Variants in DDX46 observed in about 807,000 individuals in gnomAD.
DDX46 encodes probable ATP-dependent RNA helicase DDX46.
A neutral mutation model predicts 134.9 loss-of-function variants in DDX46; 30 were observed. The observed-to-expected ratio is 0.22, with a 90% CI of 0.17 to 0.30. DDX46 has a LOEUF of 0.30. Among genes scored for constraint, DDX46 ranks in the 10% least tolerant of loss-of-function variants. The pLI is 1.00. For missense variants in DDX46, 622 were observed against 1,248.7 expected (o/e 0.50, Z 7.56); for synonymous variants, 415 against 404.1 (o/e 1.03, Z -0.32).
At chr5:134,763,128 A>G (rs1248690437) in intron 1 of DDX46, among the ~76,000 whole-genome samples, 1 of 152,080 alleles carries the variant, frequency 6.6e-6, no homozygotes, top group African/African-American at 2.4e-5. Context: ...GCTTCTTGGG[A>G]GGCTGAAGTG....
intron 18 of DDX46, among the ~76,000 whole-genome samples, chr5:134,812,059 CTTTT>C (rs767502728): frequency 5.0e-5 from 5 of 99,060 alleles, no homozygotes; most frequent in Non-Finnish European, 8.0e-5. Context: ...GTGAAAAGTC[CTTTT>C]TTTTTTTTTT....
At chr5:134,759,258 A>C (rs771509624) in intron 1 of DDX46, among the ~76,000 whole-genome samples, 40 of 152,360 alleles carry the variant, frequency 2.6e-4, no homozygotes, top group Non-Finnish European at 3.8e-4. Flanking sequence ...TGATTACTTC[A>C]GTCAGAAGTG....
chr5:134,773,642 T>A (rs1753843148), intron 4 of DDX46, 54 bp from the exon 5 acceptor site: 1 of 1,515,126 alleles, frequency 6.6e-7, no homozygotes, highest in Non-Finnish European at 8.8e-7. Context: ...AATTATTAAA[T>A]TTGGTTTTGC....
intron 21 of DDX46, among the ~76,000 whole-genome samples, chr5:134,821,020 C>T (rs1404627709): frequency 6.6e-6 from 1 of 150,900 alleles, no homozygotes; most frequent in Non-Finnish European, 1.5e-5. Flanking sequence ...TGCCCCCCCG[C>T]CACACCTAGC....
intron 6 of DDX46, among the ~76,000 whole-genome samples, chr5:134,778,138 C>T (rs1437996116): frequency 6.6e-6 from 1 of 151,806 alleles, no homozygotes; most frequent in Non-Finnish European, 1.5e-5. Flanking sequence ...CCTACCTCAG[C>T]CTCCCAAGTA....
intron 21 of DDX46, among the ~76,000 whole-genome samples, chr5:134,824,583 A>AAAAAG (rs1230480289): frequency 6.6e-5 from 10 of 152,210 alleles, no homozygotes; most frequent in African/African-American, 2.4e-4. Context: ...CTGTCTCAAA[A>AAAAAG]AAAAGAAAAG....
At chr5:134,789,200 A>G (rs1754431865) in intron 12 of DDX46, 1 of 152,190 alleles carries the variant, frequency 6.6e-6, no homozygotes, top group Non-Finnish European at 1.5e-5. Flanking sequence ...ACATTATTTA[A>G]CTTCTGTGGA....
At chr5:134,827,148 A>T in intron 22 of DDX46, 128 bp downstream of exon 22, 1 of 843,378 alleles carries the variant, frequency 1.2e-6, no homozygotes, top group African/African-American at 1.7e-5. Context: ...TAAGCATACC[A>T]GTGTAGTCAC....
chr5:134,807,253 C>T (rs1367726068), intron 15 of DDX46, among the ~76,000 whole-genome samples: 2 of 150,576 alleles, frequency 1.3e-5, no homozygotes, highest in South Asian at 2.1e-4. Flanking sequence ...AACTCCTGAC[C>T]TCATGATCTG....
intron 15 of DDX46, among the ~76,000 whole-genome samples, chr5:134,798,173 GTTTTTT>G (rs1200526938): frequency 7.1e-6 from 1 of 139,946 alleles, no homozygotes; most frequent in African/African-American, 2.6e-5. Context: ...GCCCCCCACC[GTTTTTT>G]TTTTTTTGTT....
intron 3 of DDX46, among the ~76,000 whole-genome samples, chr5:134,770,676 G>T (rs1753734658): frequency 6.6e-6 from 1 of 152,088 alleles, no homozygotes; most frequent in South Asian, 2.1e-4. Context: ...TATGAGTGTG[G>T]TGGCTGGCAC....
rs1429189322 is a variant in DDX46, at chr5:134,781,817, A to C, written c.880-104A>C. 5 of 1,086,972 alleles carry C rather than the reference A, an allele frequency of 4.6e-6. No individual in the cohort carries two copies. In the African/African-American group the frequency reaches 6.5e-5, roughly 14 times the overall value. The allele number at this position is 1,086,972 out of a possible 1,614,324, so 67.3% of individuals were successfully genotyped here. On this transcript the variant is annotated intron_variant, in intron 7 of 22. Coordinates refer to ENST00000452510, the MANE Select transcript of DDX46 (RefSeq NM_001300860.2). ...TGTGTCGTAGAAAGTAAAATATTAG[A>C]GTAGTTTCTAGGAGAGGAAGATTTG... is the stretch of plus-strand genomic sequence containing the variant.
chr5:134,822,350 A>C (rs182603966), intron 21 of DDX46, among the ~76,000 whole-genome samples: 3 of 151,560 alleles, frequency 2.0e-5, no homozygotes, highest in African/African-American at 7.3e-5. Flanking sequence ...TGTTTTTCTA[A>C]GAGACAGGGT....
At chr5:134,799,760 C>T (rs1039414432) in intron 15 of DDX46, among the ~76,000 whole-genome samples, 30 of 151,660 alleles carry the variant, frequency 2.0e-4, no homozygotes, top group Admixed American at 3.9e-4. Flanking sequence ...AAAAAAAACC[C>T]TAATCTGGGC....
chr5:134,763,826 A>C, intron 1 of DDX46, 78 bp from the exon 2 acceptor site: 1 of 1,455,106 alleles, frequency 6.9e-7, no homozygotes, highest in Non-Finnish European at 9.2e-7. Context: ...TGCTGAAATT[A>C]TTTTTAGAAA....
At chr5:134,819,159 AT>A (rs1755372311) in intron 21 of DDX46, among the ~76,000 whole-genome samples, 155 bp downstream of exon 21, 1 of 152,242 alleles carries the variant, frequency 6.6e-6, no homozygotes, top group East Asian at 1.9e-4. Flanking sequence ...GTCTTTATAT[AT>A]AAGAATTTCA....
In DDX46 at chr5:134,783,080, GTTGT is replaced by G. The variant is rs1220973697; in HGVS notation, c.1166+18_1166+21del. On this transcript the variant is annotated intron_variant, in intron 9 of 22. Transcript: ENST00000452510. Reference sequence around the variant, plus strand: ...TCCCTCAAGAAGTAAGTGGTTGGTGGTTGTTTATGTTTTCCGTGTCTTGCTGCTC... The same window carrying G: ...TCCCTCAAGAAGTAAGTGGTTGGTGGTTATGTTTTCCGTGTCTTGCTGCTC... 1 of 1,611,056 alleles carries G rather than the reference GTTGT, an allele frequency of 6.2e-7. No individual in the cohort carries two copies. The highest frequency in any genetic ancestry group is 1.3e-5 in the African/African-American group (1 of 74,812).
At position 134,788,532 on chromosome 5, in the gene DDX46, G is replaced by T. The variant is rs756853617; in HGVS notation, c.1484G>T (p.Gly495Val). The T allele has an allele frequency of 6.2e-7, 1 of 1,613,898 alleles. No homozygotes were observed. Among genetic ancestry groups the T allele is most frequent in the Non-Finnish European group, 8.5e-7 (1 of 1,179,894 alleles). Residue 495 changes from glycine to valine, a missense_variant, in exon 12 of 23, where the codon GGT (glycine) becomes GTT (valine). Coordinates refer to ENST00000452510, the MANE Select transcript of DDX46 (RefSeq NM_001300860.2). Reference sequence around the variant, plus strand: ...TATTAGATTGCTGAGCTGAAAAGAGGTGCTGAAATTATTGTTTGCACACCT... The same window carrying T: ...TATTAGATTGCTGAGCTGAAAAGAGTTGCTGAAATTATTGTTTGCACACCT... ...ISEQIAELKR[G>V]AEIIVCTPGR...
At chr5:134,783,305 A>G (rs1167465129) in intron 9 of DDX46, among the ~76,000 whole-genome samples, 1 of 151,054 alleles carries the variant, frequency 6.6e-6, no homozygotes, top group Non-Finnish European at 1.5e-5. Context: ...GGTGGAGTGC[A>G]GTGGTGCAAT....
Sources: gnomAD v4.1 joint callset for allele counts (sites outside exome capture counted in the v4.1 genomes callset) on GRCh38, gnomAD v4.1.1 for gene constraint, MANE v1.5 for transcripts, NCBI Gene and HGNC (gene_info 2026-07-23, HGNC 2026-07-21) for gene names.